The following MIX23 variants were observed in gnomAD, a reference collection of about 807,000 sequenced individuals.
The protein encoded by MIX23 is protein MIX23.
Under a neutral mutation model 21.6 loss-of-function variants are expected in MIX23, and 13 were observed. The observed-to-expected ratio is 0.60, with a 90% CI of 0.39 to 0.96. The LOEUF is 0.96. MIX23 is among the 40% of genes least tolerant of loss of function. The pLI is 0.00. For synonymous variants in MIX23, 59 were observed against 58.0 expected, an observed-to-expected ratio of 1.02 and a Z score of -0.08; for missense variants, 144 against 171.2, an observed-to-expected ratio of 0.84 and a Z score of 0.89.
chr3:122,366,976 A>G (rs1316724257), intron 3 of MIX23, among the ~76,000 whole-genome samples: 2 of 152,100 alleles, frequency 1.3e-5, no homozygotes, highest in Admixed American at 1.3e-4. Context: ...ATAATTGTAC[A>G]CTGGTCCTGT....
At chr3:122,382,345 G>A (rs1212122585) in intron 1 of MIX23, among the ~76,000 whole-genome samples, 1 of 152,192 alleles carries the variant, frequency 6.6e-6, no homozygotes, top group Non-Finnish European at 1.5e-5. Context: ...CGTGCCTGTA[G>A]TCCTAGCTAC....
At chr3:122,374,722 C>A (rs185132745) in intron 1 of MIX23, among the ~76,000 whole-genome samples, 15 of 151,782 alleles carry the variant, frequency 9.9e-5, no homozygotes, top group African/African-American at 3.1e-4. Context: ...GCTACAGTAG[C>A]GAATAAAAGA....
intron 1 of MIX23, among the ~76,000 whole-genome samples, chr3:122,382,614 G>C (rs775244399): frequency 1.3e-5 from 2 of 152,092 alleles, no homozygotes; most frequent in Non-Finnish European, 2.9e-5. Context: ...TTAGCCCTAG[G>C]TCTCTGATAT....
intron 2 of MIX23, 22 bp downstream of exon 2, chr3:122,371,653 A>C: frequency 6.2e-7 from 1 of 1,611,010 alleles, no homozygotes; most frequent in Non-Finnish European, 8.5e-7. Flanking sequence ...AAAGAAGCAA[A>C]AGACTCAAAA....
At chr3:122,365,942 G>A (rs965491036) in intron 3 of MIX23, among the ~76,000 whole-genome samples, 2 of 151,970 alleles carry the variant, frequency 1.3e-5, no homozygotes, top group Non-Finnish European at 2.9e-5. Flanking sequence ...TTGGGAAGCT[G>A]AGACGGGCAG....
chr3:122,362,638 C>T (rs374300627), intron 4 of MIX23, among the ~76,000 whole-genome samples: 36 of 152,030 alleles, frequency 2.4e-4, no homozygotes, highest in African/African-American at 7.7e-4. Flanking sequence ...CATGCCACCA[C>T]GCTAATTTTT....
At chr3:122,367,089 T>C (rs2075402651) in intron 3 of MIX23, among the ~76,000 whole-genome samples, 2 of 151,796 alleles carry the variant, frequency 1.3e-5, no homozygotes, top group South Asian at 2.1e-4. Context: ...ACTGTATTTA[T>C]GCATACAGGT....
At position 122,383,199 on chromosome 3, in the gene MIX23, T is replaced by C. The variant is rs762612954; in HGVS notation, c.26A>G (p.Asn9Ser). The C allele has an allele frequency of 4.3e-6, 7 of 1,613,322 alleles. No homozygotes were observed. In the East Asian group the frequency reaches 1.1e-4, roughly 26 times the overall value. Residue 9 changes from asparagine to serine, a missense_variant, in exon 1 of 5, where the codon AAC (asparagine) becomes AGC (serine). Coordinates refer to ENST00000291458, the MANE Select transcript of MIX23 (RefSeq NM_001017928.4). Reference sequence around the variant, plus strand: ...CTGGAACTCGGCGAACTCCTCACAGTTCACACCGCCACTGGGCGCCGCCAT... The same window carrying C: ...CTGGAACTCGGCGAACTCCTCACAGCTCACACCGCCACTGGGCGCCGCCAT... MAAPSGGV[N>S]CEEFAEFQEL... is the part of the protein sequence containing the mutation.
chr3:122,371,001 C>G (rs908438316), intron 2 of MIX23, among the ~76,000 whole-genome samples: 2 of 152,184 alleles, frequency 1.3e-5, no homozygotes, highest in African/African-American at 2.4e-5. Flanking sequence ...AAACAGTAAC[C>G]TTGTGGTAGA....
intron 4 of MIX23, among the ~76,000 whole-genome samples, chr3:122,361,481 C>T (rs2075358754): frequency 6.6e-6 from 1 of 152,132 alleles, no homozygotes; most frequent in South Asian, 2.1e-4. Context: ...TCTGCTGGCC[C>T]ACTGCACCAG....
chr3:122,359,830 TAAAAAAAAAAAAAAAAAA>T lies in MIX23; in HGVS notation c.*21_*38del. On this transcript the variant is annotated 3_prime_UTR_variant, in exon 5 of 5. Transcript: ENST00000291458. ...AGCTCTTATGAGATGACCCAGTCCT[TAAAAAAAAAAAAAAAAAA>T]AAAAAAAAAAGAATCTCTCTTTATT... The T allele has an allele frequency of 5.0e-6, 5 of 1,005,476 alleles. No individual in the cohort carries two copies. The East Asian group carries it at 1.9e-4, about 38-fold the overall frequency. 62.3% of individuals were successfully genotyped at this position (1,005,476 alleles called of 1,614,324 possible).
At chr3:122,380,794 T>A (rs924606241) in intron 1 of MIX23, among the ~76,000 whole-genome samples, 2 of 152,058 alleles carry the variant, frequency 1.3e-5, no homozygotes, top group Non-Finnish European at 2.9e-5. Context: ...GAAGGGGGAA[T>A]ATAGTAGAGA....
chr3:122,368,849 C>T (rs1195744186), intron 2 of MIX23, among the ~76,000 whole-genome samples: 2 of 152,134 alleles, frequency 1.3e-5, no homozygotes, highest in Non-Finnish European at 2.9e-5. Flanking sequence ...TTTACCTTCG[C>T]AAGACAGAGC....
chr3:122,360,041 T>A, intron 4 of MIX23, 122 bp from the exon 5 acceptor site: 2 of 975,938 alleles, frequency 2.0e-6, no homozygotes, highest in Non-Finnish European at 3.1e-6. Flanking sequence ...TCAACAGATT[T>A]AGGAAACAGA....
chr3:122,379,488 T>A (rs578090966), intron 1 of MIX23, among the ~76,000 whole-genome samples: 2 of 152,138 alleles, frequency 1.3e-5, no homozygotes, highest in East Asian at 3.9e-4. Context: ...CCCTCACACA[T>A]TGTGAGCAAA....
chr3:122,369,531 CTGGCA>C (rs1229672063), intron 2 of MIX23, among the ~76,000 whole-genome samples: 2 of 152,170 alleles, frequency 1.3e-5, no homozygotes, highest in African/African-American at 2.4e-5. Context: ...GGCTCGATCC[CTGGCA>C]CAAAGCTACT....
chr3:122,373,328 G>A (rs1428650178), intron 1 of MIX23, among the ~76,000 whole-genome samples: 1 of 151,714 alleles, frequency 6.6e-6, no homozygotes, highest in Non-Finnish European at 1.5e-5. Context: ...CTGGAGTGCA[G>A]TGGCGCGATC....
intron 3 of MIX23, chr3:122,366,455 T>C (rs935825208): frequency 1.3e-5 from 2 of 152,194 alleles, no homozygotes; most frequent in African/African-American, 4.8e-5. Context: ...CTACTCACCT[T>C]GTGTGCAGCC....
chr3:122,363,676 A>G (rs769716645), intron 3 of MIX23, among the ~76,000 whole-genome samples: 3 of 151,784 alleles, frequency 2.0e-5, no homozygotes, highest in African/African-American at 2.4e-5. Flanking sequence ...GAAAGAGAAT[A>G]TACATGGAAG....
Sources: gnomAD v4.1 joint callset for allele counts (sites outside exome capture counted in the v4.1 genomes callset) on GRCh38, gnomAD v4.1.1 for gene constraint, MANE v1.5 for transcripts, NCBI Gene and HGNC (gene_info 2026-07-23, HGNC 2026-07-21) for gene names.